Variants in ANKS1B observed in about 807,000 individuals in gnomAD.
ANKS1B encodes ankyrin repeat and sterile alpha motif domain-containing protein 1B.
Under a neutral mutation model 148.3 loss-of-function variants are expected in ANKS1B, and 36 were observed. The ratio of observed to expected loss-of-function variants is 0.24; its 90% CI spans 0.19 to 0.32. The LOEUF is 0.32. ANKS1B is among the 10% of genes least tolerant of loss of function. The pLI, the probability that ANKS1B is intolerant of heterozygous loss-of-function variation, is 1.00. For synonymous variants in ANKS1B, 542 were observed against 560.8 expected (o/e 0.97, Z 0.47); for missense variants, 1,157 against 1,542.6 (o/e 0.75, Z 4.19).
chr12:99,130,728 C>G (rs1446206948), intron 15 of ANKS1B, among the ~76,000 whole-genome samples: 1 of 152,120 alleles, frequency 6.6e-6, no homozygotes, highest in Non-Finnish European at 1.5e-5. Context: ...GGTGCTGATC[C>G]TAATTTATCT....
intron 9 of ANKS1B, among the ~76,000 whole-genome samples, chr12:99,545,435 A>G (rs1239732497): frequency 6.6e-6 from 1 of 152,140 alleles, no homozygotes; most frequent in African/African-American, 2.4e-5. Context: ...ATCCCCTTGA[A>G]TGATTCATAA....
At chr12:99,411,063 G>A (rs369713885) in intron 11 of ANKS1B, among the ~76,000 whole-genome samples, 47 of 152,312 alleles carry the variant, frequency 3.1e-4, no homozygotes, top group African/African-American at 1.1e-3. Flanking sequence ...TGGAGGAGCA[G>A]GTGGAAAAGA....
intron 10 of ANKS1B, among the ~76,000 whole-genome samples, chr12:99,503,376 T>A (rs1275958446): frequency 6.6e-6 from 1 of 152,230 alleles, no homozygotes; most frequent in Non-Finnish European, 1.5e-5. Context: ...AGAATTTCTC[T>A]ATATTCATAA....
intron 11 of ANKS1B, among the ~76,000 whole-genome samples, chr12:99,420,182 T>C (rs1187334295): frequency 6.6e-6 from 1 of 152,202 alleles, no homozygotes; most frequent in Admixed American, 6.5e-5. Flanking sequence ...GAATACACTT[T>C]CCATTACATC....
chr12:99,017,136 A>G (rs2099943056), intron 17 of ANKS1B, among the ~76,000 whole-genome samples: 1 of 152,196 alleles, frequency 6.6e-6, no homozygotes. Context: ...CTGCCTTTGC[A>G]AAATTATTAC....
At chr12:99,780,763 A>G (rs1467850031) in intron 5 of ANKS1B, among the ~76,000 whole-genome samples, 3 of 152,192 alleles carry the variant, frequency 2.0e-5, no homozygotes, top group East Asian at 1.9e-4. Flanking sequence ...TAACATAAGA[A>G]CAGTCTTAGA....
chr12:99,075,314 G>T (rs1283761031), intron 16 of ANKS1B, among the ~76,000 whole-genome samples: 2 of 152,190 alleles, frequency 1.3e-5, no homozygotes, highest in Non-Finnish European at 2.9e-5. Context: ...TGTCATGGCA[G>T]CCCACAAAGA....
At chr12:99,397,311 A>G (rs2094277501) in intron 12 of ANKS1B, among the ~76,000 whole-genome samples, 1 of 152,310 alleles carries the variant, frequency 6.6e-6, no homozygotes, top group South Asian at 2.1e-4. Flanking sequence ...CTATAGTAAG[A>G]AAACTATAGC....
intron 10 of ANKS1B, among the ~76,000 whole-genome samples, chr12:99,471,591 T>C (rs1281773286): frequency 6.6e-6 from 1 of 152,008 alleles, no homozygotes; most frequent in Non-Finnish European, 1.5e-5. Flanking sequence ...CACTGATCAA[T>C]GTGTCAGTAG....
chr12:99,912,444 C>T (rs770835078), intron 1 of ANKS1B, among the ~76,000 whole-genome samples: 35 of 151,944 alleles, frequency 2.3e-4, no homozygotes, highest in African/African-American at 6.8e-4. Flanking sequence ...CTCTGCCTCC[C>T]GGGTTCAAGT....
intron 1 of ANKS1B, among the ~76,000 whole-genome samples, chr12:99,847,094 C>A (rs1289027547): frequency 6.6e-6 from 1 of 151,742 alleles, no homozygotes; most frequent in Non-Finnish European, 1.5e-5. Context: ...AGCAAGGTCT[C>A]TCTCTTTTTT....
At chr12:98,948,756 C>T (rs1210623412) in intron 17 of ANKS1B, among the ~76,000 whole-genome samples, 1 of 140,804 alleles carries the variant, frequency 7.1e-6, no homozygotes, top group Non-Finnish European at 1.5e-5. Context: ...CTCTGTCTCT[C>T]ACACACCCAC....
Position 99,049,306 on chromosome 12 carries a change from GCACACA to G in ANKS1B, c.2778+3845_2778+3850del, listed in dbSNP as rs148702495. ...TTACCTTTATTCAATATGTACACAC[GCACACA>G]CACACACACACCCACACACTCTCAC... On this transcript the variant is annotated intron_variant, in intron 17 of 26. Transcript: ENST00000683438. Among the ~76,000 whole-genome samples, 5 of 148,270 alleles carry G rather than the reference GCACACA, an allele frequency of 3.4e-5. 1 individual carries two copies. The East Asian group carries it at 9.8e-4, about 29-fold the overall frequency.
chr12:99,050,204 AT>A (rs1217125836), intron 17 of ANKS1B, among the ~76,000 whole-genome samples: 1 of 152,216 alleles, frequency 6.6e-6, no homozygotes, highest in Non-Finnish European at 1.5e-5. Context: ...CAAGTCTTGA[AT>A]TTGAGATAAT....
At chr12:99,778,362 G>A (rs2063902284) in intron 6 of ANKS1B, among the ~76,000 whole-genome samples, 1 of 151,982 alleles carries the variant, frequency 6.6e-6, no homozygotes, top group Admixed American at 6.6e-5. Context: ...ACAAAAAGTA[G>A]CCAGACATGG....
At chr12:98,831,631 TCAAA>T (rs1481183905) in intron 18 of ANKS1B, 1 of 160,158 alleles carries the variant, frequency 6.2e-6, no homozygotes, top group African/African-American at 2.4e-5. Context: ...TTTGATTGTG[TCAAA>T]CAATCAAAAG....
chr12:98,802,594 CTTTTTTTTTTTTTTTTTT>C (rs397850118), intron 20 of ANKS1B, among the ~76,000 whole-genome samples: 593 of 34,792 alleles, frequency 0.017, 8 homozygotes, highest in African/African-American at 0.058. Flanking sequence ...AATGCACAGG[CTTTTTTTTTTTTTTTTTT>C]TTTTTTTTTT....
intron 9 of ANKS1B, among the ~76,000 whole-genome samples, chr12:99,543,434 T>C (rs2097145146): frequency 6.6e-6 from 1 of 152,120 alleles, no homozygotes; most frequent in African/African-American, 2.4e-5. Flanking sequence ...CTGTTAAATA[T>C]AGAGTTACCA....
At chr12:99,848,249 C>A (rs1022369676) in intron 1 of ANKS1B, among the ~76,000 whole-genome samples, 2 of 152,070 alleles carry the variant, frequency 1.3e-5, no homozygotes, top group Admixed American at 6.6e-5. Flanking sequence ...TATGAGGCAT[C>A]AGTTTTCAGT....
Sources: allele counts gnomAD v4.1 joint callset (sites outside exome capture counted in the v4.1 genomes callset), GRCh38; gene constraint gnomAD v4.1.1; transcripts MANE v1.5; gene names NCBI Gene and HGNC (gene_info 2026-07-23, HGNC 2026-07-21).